ABRAXAS1: variants seen among roughly 807,000 people sequenced by gnomAD.
ABRAXAS1 encodes the protein BRCA1-A complex subunit Abraxas 1.
Under a neutral mutation model 38.4 loss-of-function variants are expected in ABRAXAS1, and 26 were observed. The ratio of observed to expected loss-of-function variants is 0.68; its 90% CI spans 0.50 to 0.94. The LOEUF (loss-of-function observed/expected upper bound fraction) is 0.94, where lower values mean the gene tolerates loss of function less well. Among genes scored for constraint, ABRAXAS1 ranks in the 40% least tolerant of loss-of-function variants. ABRAXAS1 has a pLI of 0.00. For missense variants in ABRAXAS1, 438 were observed against 481.9 expected (o/e 0.91, Z 0.85); for synonymous variants, 144 against 165.5 (o/e 0.87, Z 1.00).
chr4:83,479,442 C>T (rs1473797858), intron 2 of ABRAXAS1: 1 of 149,740 alleles, frequency 6.7e-6, no homozygotes, highest in Non-Finnish European at 1.5e-5. Flanking sequence ...GACCTAGGCA[C>T]TTTTATATAC....
intron 1 of ABRAXAS1, 68 bp downstream of exon 1, chr4:83,484,918 C>A: frequency 7.3e-7 from 1 of 1,365,370 alleles, no homozygotes; most frequent in Non-Finnish European, 1.0e-6. Context: ...GGAGCAACAG[C>A]GGGGAGGCAG....
chr4:83,462,358 TA>T lies in ABRAXAS1; in HGVS notation c.*110del. ...GTGTATTACTGCAAACAGGTGAACA[TA>T]GTAAAAACAAATGAACTTACTGCAA... On this transcript the variant is annotated 3_prime_UTR_variant, in exon 9 of 9. Coordinates refer to ENST00000321945, the MANE Select transcript of ABRAXAS1 (RefSeq NM_139076.3). The T allele has an allele frequency of 1.1e-6, 1 of 911,060 alleles. No individual in the cohort carries two copies. The highest frequency in any genetic ancestry group is 1.7e-6 in the Non-Finnish European group (1 of 592,446). The allele number at this position is 911,060 out of a possible 1,614,324, so 56.4% of individuals were successfully genotyped here.
In ABRAXAS1 at chr4:83,467,433, G is replaced by A. The variant is rs188169329; in HGVS notation, c.681+21C>T. ...TGAACTCTATCTAGAAGTGGTTGAC[G>A]TGTTTGATATGTTAACTTACCTTTA... is the stretch of plus-strand genomic sequence containing the variant. On this transcript the variant is annotated intron_variant, in intron 7 of 8. Transcript: ENST00000321945. The A allele has an allele frequency of 6.9e-5, 88 of 1,266,638 alleles. No individual in the cohort carries two copies. The African/African-American group carries it at 9.2e-4, about 13-fold the overall frequency. 78.5% of individuals were successfully genotyped at this position (1,266,638 alleles called of 1,614,324 possible). A position where few individuals can be genotyped will look rare whatever the true frequency, so the allele number is the denominator to read the frequency against.
Position 83,459,810 on chromosome 4 carries a change from T to C in ABRAXAS1, c.*2659A>G. On this transcript the variant is annotated 3_prime_UTR_variant, in exon 9 of 9. Coordinates refer to ENST00000321945, the MANE Select transcript of ABRAXAS1 (RefSeq NM_139076.3). ...AGGCACATTACAGGTATGTTCTTTT[T>C]TATTATGGGAATATAAATGTAGATA... 1 of 1,563,640 alleles carries C rather than the reference T, an allele frequency of 6.4e-7. No homozygotes were observed. The highest frequency in any genetic ancestry group is 8.8e-7 in the Non-Finnish European group (1 of 1,142,730).
chr4:83,477,641 C>T (rs1291741105), intron 2 of ABRAXAS1: 2 of 517,696 alleles, frequency 3.9e-6, no homozygotes, highest in African/African-American at 3.9e-5. Context: ...CTTGCCAAAA[C>T]ACGACTTCAG....
At chr4:83,465,389 AATC>A (rs949866002) in intron 7 of ABRAXAS1, among the ~76,000 whole-genome samples, 1 of 152,152 alleles carries the variant, frequency 6.6e-6, no homozygotes, top group Non-Finnish European at 1.5e-5. Context: ...GTTTTTTAAA[AATC>A]ATGACAAATT....
In ABRAXAS1 at chr4:83,467,552, C is replaced by A. The variant is rs764440898; in HGVS notation, c.597-14G>T. ...AAAAATTTAGAGCTGTAAAAAATTA[C>A]CATTTCCTCAGGCAAATACACAAAA... On this transcript the variant is annotated splice_polypyrimidine_tract_variant and intron_variant, in intron 6 of 8. Coordinates refer to ENST00000321945, the MANE Select transcript of ABRAXAS1 (RefSeq NM_139076.3). The A allele has an allele frequency of 7.4e-7, 1 of 1,356,866 alleles. No homozygotes were observed. The highest frequency in any genetic ancestry group is 1.0e-6 in the Non-Finnish European group (1 of 954,284). 84.1% of individuals were successfully genotyped at this position (1,356,866 alleles called of 1,614,324 possible).
At position 83,461,521 on chromosome 4, in the gene ABRAXAS1, G is replaced by A; in HGVS notation, c.*948C>T. The A allele has an allele frequency of 3.1e-6, 1 of 324,630 alleles. No individual in the cohort carries two copies. The highest frequency in any genetic ancestry group is 4.6e-5 in the East Asian group (1 of 21,716). 20.1% of individuals were successfully genotyped at this position (324,630 alleles called of 1,614,324 possible). Reference sequence around the variant, plus strand: ...CCAACTAGCAAATATAAGTATGCCTGGTTAAGATATCTTCCCTTTGTAGAA... The same window carrying A: ...CCAACTAGCAAATATAAGTATGCCTAGTTAAGATATCTTCCCTTTGTAGAA... On this transcript the variant is annotated 3_prime_UTR_variant, in exon 9 of 9. Coordinates refer to ENST00000321945, the MANE Select transcript of ABRAXAS1 (RefSeq NM_139076.3).
chr4:83,484,979 G>A lies in ABRAXAS1; in HGVS notation c.87+7C>T, dbSNP rs532908932. 283 of 1,572,936 alleles carry A rather than the reference G, an allele frequency of 1.8e-4. 3 individuals are homozygous for A. The South Asian group carries it at 3.1e-3, about 17-fold the overall frequency. Reference sequence around the variant, plus strand: ...GACGCCGGACCCCGCCCCGTCCCTCGGCTCACCGTGTCCGAGTCCGTGTTG... The same window carrying A: ...GACGCCGGACCCCGCCCCGTCCCTCAGCTCACCGTGTCCGAGTCCGTGTTG... On this transcript the variant is annotated splice_region_variant and intron_variant, in intron 1 of 8. Transcript: ENST00000321945.
At position 83,460,867 on chromosome 4, in the gene ABRAXAS1, C is replaced by A; in HGVS notation, c.*1602G>T. 1 of 925,596 alleles carries A rather than the reference C, an allele frequency of 1.1e-6. No individual in the cohort carries two copies. The highest frequency in any genetic ancestry group is 1.7e-6 in the Non-Finnish European group (1 of 593,410). 57.3% of individuals were successfully genotyped at this position (925,596 alleles called of 1,614,324 possible). On this transcript the variant is annotated 3_prime_UTR_variant, in exon 9 of 9. Coordinates refer to ENST00000321945, the MANE Select transcript of ABRAXAS1 (RefSeq NM_139076.3). ...GTTGCAGTGAGGCGAGAGAGCACCA[C>A]TGTACTCCAGCCTGGGTGACACAGG... is the stretch of plus-strand genomic sequence containing the variant.
In ABRAXAS1 at chr4:83,461,081, T is replaced by C. The variant is rs1482430675; in HGVS notation, c.*1388A>G. ...TGAATTGAGCTAGCTGAAATTTTGCTCATTATGTTTTGTCAAGAACTTTAA... is the reference window on the plus strand; with the variant it reads ...TGAATTGAGCTAGCTGAAATTTTGCCCATTATGTTTTGTCAAGAACTTTAA... On this transcript the variant is annotated 3_prime_UTR_variant, in exon 9 of 9. Coordinates refer to ENST00000321945, the MANE Select transcript of ABRAXAS1 (RefSeq NM_139076.3). 1.9e-6 allele frequency: 3 copies of C among 1,612,718 alleles called. No individual in the cohort carries two copies. Among genetic ancestry groups the C allele is most frequent in the Non-Finnish European group, 2.5e-6 (3 of 1,178,980 alleles).
At chr4:83,470,655 G>A (rs1434751036) in intron 4 of ABRAXAS1, among the ~76,000 whole-genome samples, 2 of 152,120 alleles carry the variant, frequency 1.3e-5, no homozygotes, top group African/African-American at 4.8e-5. Flanking sequence ...TTGACTTTCT[G>A]TAGTTTCTTT....
At chr4:83,465,299 C>CA (rs35072866) in intron 7 of ABRAXAS1, among the ~76,000 whole-genome samples, 44,947 of 88,272 alleles carry the variant, frequency 0.51, 13,399 homozygotes, top group East Asian at 0.67. Flanking sequence ...GACTCTGTCT[C>CA]AAAAAAAAAA....
In ABRAXAS1 at chr4:83,462,482, G is replaced by A; in HGVS notation, c.1217C>T (p.Ser406Phe). ...AGGTTAAAAGGATCAAAATGTAGGA[G>A]ACCGTGAATATTCACCAAAACCCTT... is the stretch of plus-strand genomic sequence containing the variant. ...KMKGFGEYSR[S>F]PTF The change falls in exon 9 of 9, where the codon TCT becomes TTT. Residue 406 changes from serine to phenylalanine, a missense_variant. This residue lies in a region of ABRAXAS1 where 184 missense variants were observed against 181.9 expected (regional missense o/e 1.01). Transcript: ENST00000321945. 1.2e-6 allele frequency: 2 copies of A among 1,611,502 alleles called. No individual in the cohort carries two copies.
At chr4:83,484,843 G>A (rs1403468478) in intron 1 of ABRAXAS1, 143 bp downstream of exon 1, 2 of 590,338 alleles carry the variant, frequency 3.4e-6, no homozygotes, top group Admixed American at 3.7e-5. Context: ...CGCTGAGGGG[G>A]AGAGAAGGCA....
At chr4:83,482,653 G>A (rs1372767005) in intron 1 of ABRAXAS1, among the ~76,000 whole-genome samples, 2 of 152,168 alleles carry the variant, frequency 1.3e-5, no homozygotes, top group African/African-American at 2.4e-5. Flanking sequence ...CTATGATCAC[G>A]CCACTGCACT....
At chr4:83,477,948 T>G in intron 2 of ABRAXAS1, 1 of 880,464 alleles carries the variant, frequency 1.1e-6, no homozygotes, top group Non-Finnish European at 1.9e-6. Flanking sequence ...GTTCTAAAGA[T>G]TCGAATGCAG....
At chr4:83,476,988 A>C (rs1031270709) in intron 2 of ABRAXAS1, among the ~76,000 whole-genome samples, 1 of 152,202 alleles carries the variant, frequency 6.6e-6, no homozygotes, top group African/African-American at 2.4e-5. Context: ...ACAAAAGATA[A>C]ATTCAAAGTT....
chr4:83,477,727 G>T, intron 2 of ABRAXAS1: 1 of 640,508 alleles, frequency 1.6e-6, no homozygotes, highest in Non-Finnish European at 3.0e-6. Flanking sequence ...CTTTGTTTTG[G>T]ATCTATAAAG....
Sources: gnomAD v4.1 joint callset for allele counts (sites outside exome capture counted in the v4.1 genomes callset) on GRCh38, gnomAD v4.1.1 for gene constraint, gnomAD v4.1.1 regional missense constraint, MANE v1.5 for transcripts, NCBI Gene and HGNC (gene_info 2026-07-23, HGNC 2026-07-21) for gene names.